BMERB1: variants seen among roughly 807,000 people sequenced by gnomAD.
BMERB1 encodes the protein bMERB domain-containing protein 1.
A neutral mutation model predicts 23.6 loss-of-function variants in BMERB1; 12 were observed. The ratio of observed to expected loss-of-function variants is 0.51; its 90% CI spans 0.33 to 0.82. The LOEUF is 0.82. BMERB1 is among the 40% of genes least tolerant of loss of function. The probability of loss-of-function intolerance (pLI) is 0.03; values close to 1 mark genes in which losing one functional copy is unlikely to be tolerated. For missense variants in BMERB1, 247 were observed against 255.4 expected (o/e 0.97, Z 0.22); for synonymous variants, 122 against 96.6 (o/e 1.26, Z -1.54).
intron 2 of BMERB1, among the ~76,000 whole-genome samples, chr16:15,547,256 C>T (rs1010613983): frequency 2.0e-5 from 3 of 151,638 alleles, no homozygotes; most frequent in Non-Finnish European, 4.4e-5. Context: ...AGGTGATTCA[C>T]CCGCCTCTGC....
At chr16:15,583,306 A>C (rs1216700758) in intron 5 of BMERB1, 68 bp downstream of exon 5, 7 of 1,287,190 alleles carry the variant, frequency 5.4e-6, no homozygotes, top group Middle Eastern at 1.8e-4. Flanking sequence ...CCAGGCCCAC[A>C]GTGGATCACG....
intron 1 of BMERB1, among the ~76,000 whole-genome samples, chr16:15,506,622 C>CA (rs1428387863): frequency 6.6e-6 from 1 of 152,084 alleles, no homozygotes; most frequent in Non-Finnish European, 1.5e-5. Flanking sequence ...ACTCCTCAAC[C>CA]ATCACGATTG....
chr16:15,587,152 G>T lies in BMERB1; in HGVS notation c.*323G>T. On this transcript the variant is annotated 3_prime_UTR_variant, in exon 6 of 6. Transcript: ENST00000300006. ...TCTCTCTAGCTGTATCTAACCCACC[G>T]TGTGAATGAACTGGGAGAGGGGCAT... 3 of 315,422 alleles carry T rather than the reference G, an allele frequency of 9.5e-6. No homozygotes were observed. The highest frequency in any genetic ancestry group is 8.6e-5 in the South Asian group (2 of 23,194). 19.5% of individuals were successfully genotyped at this position (315,422 alleles called of 1,614,324 possible).
chr16:15,447,866 A>T (rs1331752292), intron 1 of BMERB1: 1 of 455,840 alleles, frequency 2.2e-6, no homozygotes, highest in Non-Finnish European at 4.4e-6. Context: ...AGGACAAGGG[A>T]TGGAGGGAAA....
intron 1 of BMERB1, among the ~76,000 whole-genome samples, chr16:15,452,293 A>G (rs1277252257): frequency 7.2e-6 from 1 of 139,702 alleles, no homozygotes; most frequent in African/African-American, 2.6e-5. Flanking sequence ...AAAAAAAAAA[A>G]AAGAAAAGAA....
chr16:15,585,372 G>A (rs1178893216), intron 5 of BMERB1, among the ~76,000 whole-genome samples: 1 of 152,136 alleles, frequency 6.6e-6, no homozygotes, highest in African/African-American at 2.4e-5. Context: ...TCTGGTACTG[G>A]AATTCCAAGT....
At chr16:15,563,980 A>G (rs1229900274) in intron 2 of BMERB1, among the ~76,000 whole-genome samples, 2 of 152,000 alleles carry the variant, frequency 1.3e-5, no homozygotes, top group Non-Finnish European at 2.9e-5. Context: ...TCACTCTTTT[A>G]GTTCCTGGAC....
At chr16:15,507,613 C>T (rs145738604) in intron 1 of BMERB1, among the ~76,000 whole-genome samples, 8 of 152,324 alleles carry the variant, frequency 5.3e-5, no homozygotes, top group African/African-American at 1.9e-4. Context: ...CCCGTTTCTT[C>T]CCGTGATTTG....
intron 1 of BMERB1, among the ~76,000 whole-genome samples, chr16:15,435,900 A>G (rs1466088507): frequency 6.6e-6 from 1 of 152,182 alleles, no homozygotes; most frequent in Non-Finnish European, 1.5e-5. Context: ...GATGGATGTC[A>G]TAGCACTGCC....
chr16:15,496,108 G>C (rs1241951439), intron 1 of BMERB1, among the ~76,000 whole-genome samples: 1 of 151,890 alleles, frequency 6.6e-6, no homozygotes, highest in African/African-American at 2.4e-5. Flanking sequence ...GGTGGGGATA[G>C]TAATGATGGT....
intron 1 of BMERB1, among the ~76,000 whole-genome samples, chr16:15,450,761 A>G (rs2051034955): frequency 6.6e-6 from 1 of 152,002 alleles, no homozygotes; most frequent in African/African-American, 2.4e-5. Flanking sequence ...ATGACCCACC[A>G]CGCCCGGCCA....
chr16:15,530,752 A>T (rs967087312), intron 2 of BMERB1, among the ~76,000 whole-genome samples: 4 of 152,042 alleles, frequency 2.6e-5, no homozygotes, highest in African/African-American at 9.7e-5. Flanking sequence ...ATGAGATCTG[A>T]TGGTTTTATA....
chr16:15,479,181 G>GA (rs1187290416), intron 1 of BMERB1, among the ~76,000 whole-genome samples: 1 of 152,100 alleles, frequency 6.6e-6, no homozygotes. Context: ...TAGAATTCTG[G>GA]AACACTTGTA....
At chr16:15,512,138 G>T (rs1393572340) in intron 1 of BMERB1, among the ~76,000 whole-genome samples, 3 of 151,808 alleles carry the variant, frequency 2.0e-5, no homozygotes, top group Non-Finnish European at 2.9e-5. Context: ...GCAAAATAAG[G>T]TGTTTTGATT....
At chr16:15,471,602 TCTCA>T (rs1223655460) in intron 1 of BMERB1, among the ~76,000 whole-genome samples, 2 of 152,170 alleles carry the variant, frequency 1.3e-5, no homozygotes, top group Admixed American at 6.5e-5. Flanking sequence ...GTGTCCTCTC[TCTCA>T]CTCTCTCTCT....
chr16:15,450,852 A>G (rs987644148), intron 1 of BMERB1, among the ~76,000 whole-genome samples: 2 of 152,120 alleles, frequency 1.3e-5, no homozygotes, highest in East Asian at 3.9e-4. Flanking sequence ...TCCAACCACC[A>G]TTTGTGGCTT....
intron 1 of BMERB1, among the ~76,000 whole-genome samples, chr16:15,454,031 C>G (rs1048389944): frequency 1.3e-5 from 2 of 151,970 alleles, no homozygotes; most frequent in Admixed American, 1.3e-4. Flanking sequence ...ACAAGTTGTA[C>G]TTTGGGATCT....
At chr16:15,488,999 A>G (rs1035763647) in intron 1 of BMERB1, among the ~76,000 whole-genome samples, 2 of 151,158 alleles carry the variant, frequency 1.3e-5, no homozygotes, top group African/African-American at 4.9e-5. Flanking sequence ...TTTATCCCTC[A>G]GCTTTTATCC....
intron 2 of BMERB1, among the ~76,000 whole-genome samples, chr16:15,516,517 G>C (rs1220533079): frequency 6.6e-6 from 1 of 152,158 alleles, no homozygotes; most frequent in Non-Finnish European, 1.5e-5. Context: ...AACAGTGAAA[G>C]GTTACAAGCA....
Sources: allele counts gnomAD v4.1 joint callset (sites outside exome capture counted in the v4.1 genomes callset), GRCh38; gene constraint gnomAD v4.1.1; transcripts MANE v1.5; gene names NCBI Gene and HGNC (gene_info 2026-07-23, HGNC 2026-07-21).